Variants in SPECC1 observed in about 807,000 individuals in gnomAD.
SPECC1 encodes sperm antigen with calponin homology and coiled-coil domains 1.
Under a neutral mutation model 104.1 loss-of-function variants are expected in SPECC1, and 62 were observed. That is an observed-to-expected ratio of 0.60 (90% confidence interval 0.49 to 0.74). SPECC1 has a LOEUF of 0.74. SPECC1 is among the 30% of genes least tolerant of loss of function. SPECC1 has a pLI of 0.00. For synonymous variants in SPECC1, 513 were observed against 501.6 expected (o/e 1.02, Z -0.30); for missense variants, 1,306 against 1,310.5 (o/e 1.00, Z 0.05).
intron 4 of SPECC1, among the ~76,000 whole-genome samples, chr17:20,223,945 A>G (rs772754693): frequency 7.9e-5 from 12 of 152,172 alleles, no homozygotes; most frequent in Non-Finnish European, 1.6e-4. Context: ...TTCAGTCTTC[A>G]CAGTCTGGGC....
At chr17:20,143,069 T>A (rs2152561408) in intron 3 of SPECC1, among the ~76,000 whole-genome samples, 2 of 144,154 alleles carry the variant, frequency 1.4e-5, no homozygotes, top group Admixed American at 1.4e-4. Context: ...AAAATAAAAA[T>A]AATAAAGGGA....
At chr17:20,107,358 A>G (rs2048272774) in intron 2 of SPECC1, among the ~76,000 whole-genome samples, 1 of 150,114 alleles carries the variant, frequency 6.7e-6, no homozygotes. Context: ...TACCGATAAT[A>G]CCAGCATTTG....
chr17:20,036,278 C>T (rs1243095174), intron 1 of SPECC1, among the ~76,000 whole-genome samples: 2 of 152,182 alleles, frequency 1.3e-5, no homozygotes, highest in East Asian at 1.9e-4. Flanking sequence ...TACAGGTGCA[C>T]GCCACCACAT....
chr17:20,278,595 T>G (rs1339295361), intron 12 of SPECC1, among the ~76,000 whole-genome samples: 1 of 152,122 alleles, frequency 6.6e-6, no homozygotes, highest in Non-Finnish European at 1.5e-5. Context: ...TGTCAACACT[T>G]TGGAAGGTTG....
At chr17:20,057,370 G>A (rs1013821981) in intron 1 of SPECC1, among the ~76,000 whole-genome samples, 9 of 152,282 alleles carry the variant, frequency 5.9e-5, no homozygotes, top group Middle Eastern at 6.8e-3. Context: ...GAACCCGGGA[G>A]GCAGAGCTTG....
intron 3 of SPECC1, among the ~76,000 whole-genome samples, chr17:20,178,199 A>G (rs1335997023): frequency 6.6e-6 from 1 of 152,078 alleles, no homozygotes; most frequent in Non-Finnish European, 1.5e-5. Context: ...CTCTATTTTA[A>G]ATAATACTAA....
At chr17:20,249,394 G>T (rs905110403) in intron 9 of SPECC1, among the ~76,000 whole-genome samples, 2 of 151,860 alleles carry the variant, frequency 1.3e-5, no homozygotes, top group African/African-American at 4.8e-5. Context: ...TTCCAGCCTG[G>T]GCAACAGAGC....
At chr17:20,231,189 G>A (rs915045659) in intron 5 of SPECC1, among the ~76,000 whole-genome samples, 22 of 152,214 alleles carry the variant, frequency 1.4e-4, no homozygotes, top group African/African-American at 4.6e-4. Flanking sequence ...ACATCCCCGG[G>A]TTCTGTCTGC....
chr17:20,314,232 C>T lies in SPECC1; in HGVS notation c.*167C>T, dbSNP rs907452252. 502 of 629,172 alleles carry T rather than the reference C, an allele frequency of 8.0e-4. 3 individuals carry two copies. Among genetic ancestry groups the T allele is most frequent in the Admixed American group, 7.6e-4 (31 of 40,600 alleles). 39.0% of individuals were successfully genotyped at this position (629,172 alleles called of 1,614,324 possible). ...CCCAAATAAGAAACAGAGTGGGTCCCACGATGTACCTGTCTGAAATGCAAA... is the reference window on the plus strand; with the variant it reads ...CCCAAATAAGAAACAGAGTGGGTCCTACGATGTACCTGTCTGAAATGCAAA... On this transcript the variant is annotated 3_prime_UTR_variant, in exon 15 of 15. Coordinates refer to ENST00000395527, the MANE Select transcript of SPECC1 (RefSeq NM_001243439.2).
chr17:20,231,323 A>G (rs1250319539), intron 5 of SPECC1, among the ~76,000 whole-genome samples: 1 of 152,210 alleles, frequency 6.6e-6, no homozygotes, highest in Non-Finnish European at 1.5e-5. Flanking sequence ...AAAGTGCTTT[A>G]CAAATCACAG....
In SPECC1 at chr17:20,274,818, G is replaced by A. The variant is rs370964264; in HGVS notation, c.2940+14524G>A. The stretch of plus-strand genomic sequence containing the variant: ...TATTTATACCTCTTGTACTTTTTTT[G>A]GTTTATTGCATTCATGAAAGTCCAG... On this transcript the variant is annotated intron_variant, in intron 12 of 14. Coordinates refer to ENST00000395527, the MANE Select transcript of SPECC1 (RefSeq NM_001243439.2). Among the ~76,000 whole-genome samples the A allele has an allele frequency of 1.7e-4, 25 of 151,142 alleles. No homozygotes were observed. The East Asian group carries it at 2.5e-3, about 15-fold the overall frequency.
At chr17:20,190,583 C>T (rs527805096) in intron 3 of SPECC1, among the ~76,000 whole-genome samples, 20 of 152,318 alleles carry the variant, frequency 1.3e-4, no homozygotes, top group African/African-American at 4.6e-4. Flanking sequence ...CACACTCAGC[C>T]TCCTCATTAT....
At chr17:20,021,683 AAT>A (rs201043286) in intron 1 of SPECC1, among the ~76,000 whole-genome samples, 20 of 132,344 alleles carry the variant, frequency 1.5e-4, no homozygotes, top group South Asian at 2.2e-4. Context: ...ATAATATAAT[AAT>A]ATATATATAT....
rs543378520 is a variant in SPECC1 at position 20,317,979 on chromosome 17, G to T, written c.*3914G>T. 2 of 227,760 alleles carry T rather than the reference G, an allele frequency of 8.8e-6. No homozygotes were observed. Among genetic ancestry groups the T allele is most frequent in the Non-Finnish European group, 1.7e-5 (2 of 114,764 alleles). The allele number at this position is 227,760 out of a possible 1,614,324, so 14.1% of individuals were successfully genotyped here. A position where few individuals can be genotyped will look rare whatever the true frequency, so the allele number is the denominator to read the frequency against. On this transcript the variant is annotated 3_prime_UTR_variant, in exon 15 of 15. Transcript: ENST00000395527. ...ACAGAGCTCAGAGCACCAGGTGAAG[G>T]TGGAAAGTTGGCAGGAAAACAAGGT...
chr17:20,121,901 T>C (rs1425241372), intron 3 of SPECC1, among the ~76,000 whole-genome samples: 1 of 152,282 alleles, frequency 6.6e-6, no homozygotes, highest in Non-Finnish European at 1.5e-5. Context: ...ACAATGCTTG[T>C]ATTTATTGAT....
At chr17:20,198,256 C>T (rs980258423) in intron 3 of SPECC1, among the ~76,000 whole-genome samples, 25 of 152,132 alleles carry the variant, frequency 1.6e-4, no homozygotes, top group Non-Finnish European at 2.8e-4. Flanking sequence ...CTCAGACTTA[C>T]GTGGCCTCTG....
At chr17:20,041,440 C>T (rs2045323136) in intron 1 of SPECC1, among the ~76,000 whole-genome samples, 1 of 151,858 alleles carries the variant, frequency 6.6e-6, no homozygotes. Flanking sequence ...CGGGGTTTCT[C>T]CATGTTGGTC....
chr17:20,142,471 C>T (rs556572747), intron 3 of SPECC1, among the ~76,000 whole-genome samples: 3 of 152,262 alleles, frequency 2.0e-5, no homozygotes, highest in South Asian at 2.1e-4. Flanking sequence ...ATACATACAA[C>T]AGAATGTCAG....
chr17:20,254,984 G>C (rs572507600), intron 10 of SPECC1, among the ~76,000 whole-genome samples: 1 of 152,190 alleles, frequency 6.6e-6, no homozygotes, highest in South Asian at 2.1e-4. Flanking sequence ...TTACATGGGA[G>C]AGATTCAAGC....
Sources: allele counts gnomAD v4.1 joint callset (sites outside exome capture counted in the v4.1 genomes callset), GRCh38; gene constraint gnomAD v4.1.1; transcripts MANE v1.5; gene names NCBI Gene and HGNC (gene_info 2026-07-23, HGNC 2026-07-21).